Variants in CCDC178 observed in about 807,000 individuals in gnomAD.
The protein encoded by CCDC178 is coiled-coil domain containing 178, also known as coiled-coil domain-containing protein 178.
CCDC178 carries 126 observed loss-of-function variants against 117.4 expected under a neutral mutation model. The observed-to-expected ratio is 1.07, with a 90% CI of 0.93 to 1.24. CCDC178 has a LOEUF of 1.24. Among genes scored for constraint, CCDC178 ranks in the 50% most tolerant of loss-of-function variants. CCDC178 has a pLI of 0.00. For missense variants in CCDC178, 1,030 were observed against 986.9 expected (o/e 1.04, Z -0.59); for synonymous variants, 283 against 313.4 (o/e 0.90, Z 1.02).
intron 21 of CCDC178, among the ~76,000 whole-genome samples, chr18:33,055,956 C>T (rs746702976): frequency 2.0e-5 from 3 of 151,910 alleles, no homozygotes; most frequent in African/African-American, 7.3e-5. Context: ...GTGCATGCTA[C>T]CATGCATGGC....
chr18:33,435,170 T>C (rs1458402529), intron 2 of CCDC178, among the ~76,000 whole-genome samples: 1 of 152,162 alleles, frequency 6.6e-6, no homozygotes, highest in Non-Finnish European at 1.5e-5. Context: ...GAGTTAATTA[T>C]ATTTTTTAAA....
chr18:33,245,488 T>C, intron 14 of CCDC178, 60 bp from the exon 15 acceptor site: 3 of 1,281,950 alleles, frequency 2.3e-6, no homozygotes, highest in Non-Finnish European at 3.0e-6. Flanking sequence ...ACATATTTAA[T>C]AATAGTAAAA....
At chr18:33,075,111 G>A (rs957909827) in intron 21 of CCDC178, among the ~76,000 whole-genome samples, 4 of 152,172 alleles carry the variant, frequency 2.6e-5, no homozygotes, top group African/African-American at 9.7e-5. Context: ...GACATTTACT[G>A]TGGAGTAGAT....
chr18:33,325,875 GT>G (rs1209830219), intron 10 of CCDC178, among the ~76,000 whole-genome samples: 1 of 152,332 alleles, frequency 6.6e-6, no homozygotes, highest in African/African-American at 2.4e-5. Flanking sequence ...ACAAGTTAAA[GT>G]GTACAATTCA....
At chr18:33,312,214 AAGATGCCTTTT>A (rs2062353094) in intron 11 of CCDC178, among the ~76,000 whole-genome samples, 1 of 152,086 alleles carries the variant, frequency 6.6e-6, no homozygotes, top group Non-Finnish European at 1.5e-5. Context: ...CTGGGTCTAA[AAGATGCCTTTT>A]AGATGCCTTT....
chr18:32,938,707 A>C (rs557923771), intron 22 of CCDC178, among the ~76,000 whole-genome samples: 7 of 152,294 alleles, frequency 4.6e-5, no homozygotes, highest in African/African-American at 1.7e-4. Flanking sequence ...TGCTGCAGTA[A>C]TGTAGGATCC....
At chr18:33,279,506 T>C (rs552765230) in intron 12 of CCDC178, among the ~76,000 whole-genome samples, 3 of 152,216 alleles carry the variant, frequency 2.0e-5, no homozygotes, top group Non-Finnish European at 2.9e-5. Flanking sequence ...AGAATCAATA[T>C]CGTGAAAATG....
At chr18:33,077,195 T>C (rs1598857475) in intron 21 of CCDC178, among the ~76,000 whole-genome samples, 1 of 152,318 alleles carries the variant, frequency 6.6e-6, no homozygotes, top group East Asian at 1.9e-4. Context: ...GAGTTGGGCA[T>C]AGTAAAGAAA....
At chr18:33,113,720 C>T (rs905719339) in intron 20 of CCDC178, among the ~76,000 whole-genome samples, 3 of 151,976 alleles carry the variant, frequency 2.0e-5, no homozygotes, top group Non-Finnish European at 4.4e-5. Context: ...TGTTTTACTC[C>T]CTCAGAAACA....
intron 22 of CCDC178, among the ~76,000 whole-genome samples, chr18:32,939,668 C>T (rs1438624507): frequency 6.6e-6 from 1 of 152,058 alleles, no homozygotes; most frequent in African/African-American, 2.4e-5. Flanking sequence ...AAGTAAAAGA[C>T]AACACACAGG....
At chr18:33,292,781 T>C (rs1429645312) in intron 12 of CCDC178, among the ~76,000 whole-genome samples, 1 of 152,038 alleles carries the variant, frequency 6.6e-6, no homozygotes, top group Non-Finnish European at 1.5e-5. Context: ...CACACAATAA[T>C]TGTACATTTT....
chr18:33,207,508 A>ACATT, intron 20 of CCDC178, among the ~76,000 whole-genome samples: 1 of 150,742 alleles, frequency 6.6e-6, no homozygotes, highest in East Asian at 2.0e-4. Context: ...TTCTCAGGGA[A>ACATT]CATTCATTTT....
chr18:33,293,291 G>A lies in CCDC178; in HGVS notation c.1044C>T (p.Asn348=), dbSNP rs1264634750. ...ATGAAGAGTAATGATCAAATAGACT[G>A]TTAAGTTGATATATCTCTCTCCTAG... ...EAYKREIYQL[N]SLFDHYSSSV... The change falls in exon 12 of 23, where the codon AAC becomes AAT. Residue 348 remains asparagine, a synonymous_variant. Coordinates refer to ENST00000383096, the MANE Select transcript of CCDC178 (RefSeq NM_001105528.4). 2.6e-6 allele frequency: 4 copies of A among 1,516,088 alleles called. No homozygotes were observed. Among genetic ancestry groups the A allele is most frequent in the Non-Finnish European group, 2.7e-6 (3 of 1,100,588 alleles). The allele number at this position is 1,516,088 out of a possible 1,614,324, so 93.9% of individuals were successfully genotyped here.
chr18:33,024,731 C>G (rs1249586270), intron 21 of CCDC178, among the ~76,000 whole-genome samples: 2 of 151,850 alleles, frequency 1.3e-5, no homozygotes, highest in Non-Finnish European at 2.9e-5. Context: ...GCAAGCTCCA[C>G]CTCCCGGGTT....
At chr18:33,159,137 C>T (rs1017242012) in intron 20 of CCDC178, among the ~76,000 whole-genome samples, 3 of 152,012 alleles carry the variant, frequency 2.0e-5, no homozygotes, top group South Asian at 2.1e-4. Context: ...CACAGTTATA[C>T]ATTTTTGGGC....
chr18:32,951,255 T>G (rs948113774), intron 22 of CCDC178, among the ~76,000 whole-genome samples: 2 of 152,206 alleles, frequency 1.3e-5, no homozygotes, highest in African/African-American at 4.8e-5. Context: ...CCCTTTTTAT[T>G]ATTATAAATT....
chr18:33,118,249 G>A (rs1268252640), intron 20 of CCDC178, among the ~76,000 whole-genome samples: 3 of 151,990 alleles, frequency 2.0e-5, no homozygotes, highest in South Asian at 2.1e-4. Flanking sequence ...TCCTAGTTGG[G>A]GCATTGTCCT....
rs574746964 is a variant in CCDC178 at position 33,317,625 on chromosome 18, C to G, written c.1022+5866G>C. 3.9e-5 allele frequency among the ~76,000 whole-genome samples: 6 copies of G among 152,184 alleles called. No individual in the cohort carries two copies. In the South Asian group the frequency reaches 8.3e-4, roughly 21 times the overall value. On this transcript the variant is annotated intron_variant, in intron 11 of 22. Coordinates refer to ENST00000383096, the MANE Select transcript of CCDC178 (RefSeq NM_001105528.4). ...CTCTCTTGGGGTCTGGACTGGGACC[C>G]CTTTCCTGTAACAATATTAACACCC...
chr18:33,048,393 A>C (rs1254673117), intron 21 of CCDC178, among the ~76,000 whole-genome samples: 3 of 152,190 alleles, frequency 2.0e-5, no homozygotes, highest in African/African-American at 7.2e-5. Flanking sequence ...ATATTGTATT[A>C]TGGTAGAATA....
Sources: gnomAD v4.1 joint callset for allele counts (sites outside exome capture counted in the v4.1 genomes callset) on GRCh38, gnomAD v4.1.1 for gene constraint, MANE v1.5 for transcripts, NCBI Gene and HGNC (gene_info 2026-07-23, HGNC 2026-07-21) for gene names.